CCDC57: variants seen among roughly 807,000 people sequenced by gnomAD.
CCDC57 encodes the protein coiled-coil domain-containing protein 57.
CCDC57 carries 118 observed loss-of-function variants against 118.9 expected under a neutral mutation model. That is an observed-to-expected ratio of 0.99 (90% CI 0.86 to 1.16). CCDC57 has a LOEUF of 1.16. CCDC57 is among the 50% of genes most tolerant of loss of function. The probability of loss-of-function intolerance (pLI) is 0.00; values close to 1 mark genes in which losing one functional copy is unlikely to be tolerated. For synonymous variants in CCDC57, 527 were observed against 532.9 expected (o/e 0.99, Z 0.15); for missense variants, 1,300 against 1,320.7 (o/e 0.98, Z 0.24).
At chr17:82,103,913 A>G (rs536072896) in intron 19 of CCDC57, among the ~76,000 whole-genome samples, 18 of 152,222 alleles carry the variant, frequency 1.2e-4, no homozygotes, top group African/African-American at 4.1e-4. Flanking sequence ...TCCACTTTAC[A>G]GGCTCTGGTT....
At chr17:82,152,583 G>A (rs989936090) in intron 15 of CCDC57, among the ~76,000 whole-genome samples, 1 of 152,248 alleles carries the variant, frequency 6.6e-6, no homozygotes, top group African/African-American at 2.4e-5. Flanking sequence ...ACAAAGGGAT[G>A]CCTGGACCAA....
intron 19 of CCDC57, among the ~76,000 whole-genome samples, chr17:82,102,282 T>C (rs914094697): frequency 6.6e-6 from 1 of 152,164 alleles, no homozygotes; most frequent in Non-Finnish European, 1.5e-5. Flanking sequence ...GTCCCTACCA[T>C]CTGAGACACA....
chr17:82,189,080 G>C (rs2146637041), intron 7 of CCDC57, among the ~76,000 whole-genome samples: 1 of 152,062 alleles, frequency 6.6e-6, no homozygotes, highest in East Asian at 1.9e-4. Context: ...CACCAGCCTG[G>C]GCAATATGGC....
chr17:82,135,690 T>C (rs909978531), intron 16 of CCDC57, among the ~76,000 whole-genome samples: 5 of 152,138 alleles, frequency 3.3e-5, no homozygotes, highest in Admixed American at 6.5e-5. Flanking sequence ...CTCAACACCA[T>C]TGGTCACCAG....
chr17:82,167,610 C>CA (rs1441759689), intron 13 of CCDC57, among the ~76,000 whole-genome samples: 1 of 152,104 alleles, frequency 6.6e-6, no homozygotes, highest in Admixed American at 6.6e-5. Context: ...CTCAGCTTCC[C>CA]AAAGTGCTGG....
At chr17:82,135,773 A>G (rs2039063944) in intron 16 of CCDC57, among the ~76,000 whole-genome samples, 1 of 152,126 alleles carries the variant, frequency 6.6e-6, no homozygotes, top group South Asian at 2.1e-4. Context: ...AACAGGATAG[A>G]AAACAGCTGG....
chr17:82,207,820 T>G (rs1249398036), intron 2 of CCDC57: 1 of 152,152 alleles, frequency 6.6e-6, no homozygotes, highest in East Asian at 1.9e-4. Flanking sequence ...GTCTTGGGTG[T>G]TTATGTCTTG....
At chr17:82,124,324 A>T (rs775636743) in intron 19 of CCDC57, among the ~76,000 whole-genome samples, 4 of 151,928 alleles carry the variant, frequency 2.6e-5, no homozygotes, top group Non-Finnish European at 5.9e-5. Flanking sequence ...TGCAAAGTGC[A>T]GTATCTGTGG....
Position 82,188,424 on chromosome 17 carries a change from AAC to A in CCDC57, c.852-7_852-6del, listed in dbSNP as rs1394302422. The A allele has an allele frequency of 6.2e-7, 1 of 1,609,050 alleles. No individual in the cohort carries two copies. The highest frequency in any genetic ancestry group is 1.1e-5 in the South Asian group (1 of 90,710). ...AGACGGTCGAGCTCCTCATGCCTGA[AAC>A]ACAGTGAGTGTCCCATGGCGCTCAC... On this transcript the variant is annotated splice_region_variant and splice_polypyrimidine_tract_variant and intron_variant, in intron 7 of 19. Coordinates refer to ENST00000665763, the Ensembl canonical transcript of CCDC57.
intron 6 of CCDC57, 76 bp from the exon 6 acceptor site, chr17:82,193,906 T>G: frequency 6.4e-7 from 1 of 1,570,902 alleles, no homozygotes; most frequent in South Asian, 1.1e-5. Context: ...GCAGAAAAGG[T>G]AGAATCCCCC....
intron 17 of CCDC57, 139 bp from the exon 17 acceptor site, chr17:82,128,736 C>G: frequency 1.5e-6 from 1 of 687,110 alleles, no homozygotes; most frequent in Non-Finnish European, 2.5e-6. Context: ...TGGTGACAGC[C>G]CGGACTGAAG....
chr17:82,143,636 A>G (rs550031949), intron 16 of CCDC57, among the ~76,000 whole-genome samples: 1 of 151,606 alleles, frequency 6.6e-6, no homozygotes, highest in East Asian at 1.9e-4. Context: ...AAAAACAATG[A>G]CTGAGAATTT....
intron 19 of CCDC57, among the ~76,000 whole-genome samples, chr17:82,126,062 A>T (rs1354309987): frequency 6.6e-6 from 1 of 152,084 alleles, no homozygotes; most frequent in Non-Finnish European, 1.5e-5. Context: ...GGGCGGATCA[A>T]CTGAGGTCAG....
chr17:82,171,685 T>G lies in CCDC57; in HGVS notation c.1882+16A>C. The G allele has an allele frequency of 6.2e-7, 1 of 1,604,320 alleles. No homozygotes were observed. The highest frequency in any genetic ancestry group is 8.5e-7 in the Non-Finnish European group (1 of 1,171,832). On this transcript the variant is annotated intron_variant, in intron 13 of 19. Coordinates refer to ENST00000665763, the Ensembl canonical transcript of CCDC57. ...TATAAGGGGACAGCAAGTACCCCAC[T>G]GAGACGCGGACTTACCAGTCGTCTC...
chr17:82,158,547 G>A (rs953470161), intron 14 of CCDC57, among the ~76,000 whole-genome samples: 8 of 151,936 alleles, frequency 5.3e-5, no homozygotes, highest in African/African-American at 1.9e-4. Context: ...AATTAGCCGG[G>A]CATGGCGGTG....
At chr17:82,151,041 A>C (rs1337746040) in intron 16 of CCDC57, among the ~76,000 whole-genome samples, 3 of 104,506 alleles carry the variant, frequency 2.9e-5, no homozygotes, top group African/African-American at 3.6e-5. Context: ...CCTGGCGCAC[A>C]CCCAGAACCT....
chr17:82,178,530 G>T (rs375294411), exon 11 of CCDC57: 129 of 1,613,666 alleles, frequency 8.0e-5, no homozygotes, highest in Non-Finnish European at 1.1e-4. Flanking sequence ...GCCTGGTCTC[G>T]TTCCAGGGTC....
chr17:82,134,056 A>G lies in CCDC57; in HGVS notation c.2577+17T>C. 1 of 1,374,352 alleles carries G rather than the reference A, an allele frequency of 7.3e-7. No individual in the cohort carries two copies. The allele number at this position is 1,374,352 out of a possible 1,614,324, so 85.1% of individuals were successfully genotyped here. On this transcript the variant is annotated intron_variant, in intron 17 of 19. Transcript: ENST00000665763. ...AAATATTTTTAAAAATGCATGTCTT[A>G]GATGAAGGGGTGTTACCTGAGATGT...
At position 82,149,097 on chromosome 17, in the gene CCDC57, A is replaced by G. The variant is rs1266447985; in HGVS notation, c.2455+2463T>C. Among the ~76,000 whole-genome samples, 11 of 78,916 alleles carry G rather than the reference A, an allele frequency of 1.4e-4. 3 individuals carry two copies. Among genetic ancestry groups the G allele is most frequent in the African/African-American group, 4.4e-4 (9 of 20,638 alleles). The allele number at this position is 78,916 out of a possible 152,430, so 51.8% of individuals were successfully genotyped here. On this transcript the variant is annotated intron_variant, in intron 16 of 19. Transcript: ENST00000665763. ...GATGGGTGGGTGGGTAGATGGATGG[A>G]TGGGTAGATGGGATAAGTGGTTGCA...
Sources: gnomAD v4.1 joint callset for allele counts (sites outside exome capture counted in the v4.1 genomes callset) on GRCh38, gnomAD v4.1.1 for gene constraint, MANE v1.5 for transcripts, NCBI Gene and HGNC (gene_info 2026-07-23, HGNC 2026-07-21) for gene names.